The following NAALADL2 variants were observed in gnomAD, a reference collection of about 807,000 sequenced individuals.
NAALADL2 encodes the protein N-acetylated alpha-linked acidic dipeptidase like 2.
A neutral mutation model predicts 87.2 loss-of-function variants in NAALADL2; 76 were observed. The observed-to-expected ratio is 0.87, with a 90% CI of 0.72 to 1.05. The LOEUF is 1.05. NAALADL2 is among the 50% of genes least tolerant of loss of function. The pLI is 0.00. For missense variants in NAALADL2, 1,089 were observed against 945.8 expected (o/e 1.15, Z -1.99); for synonymous variants, 354 against 331.0 (o/e 1.07, Z -0.75).
intron 10 of NAALADL2, among the ~76,000 whole-genome samples, chr3:175,623,670 A>G (rs1024973934): frequency 6.6e-6 from 1 of 152,070 alleles, no homozygotes; most frequent in Non-Finnish European, 1.5e-5. Flanking sequence ...AAGAAGAGCT[A>G]CACAGCTACA....
chr3:174,510,889 A>G (rs1719558821), intron 1 of NAALADL2, among the ~76,000 whole-genome samples: 1 of 151,910 alleles, frequency 6.6e-6, no homozygotes, highest in Non-Finnish European at 1.5e-5. Flanking sequence ...AAATTGTGAC[A>G]TGACGTGTGT....
chr3:175,072,514 C>T lies in NAALADL2; in HGVS notation c.44-24276C>T, dbSNP rs148982638. On this transcript the variant is annotated intron_variant, in intron 1 of 13. Coordinates refer to ENST00000454872, the MANE Select transcript of NAALADL2 (RefSeq NM_207015.3). ...GTTTGGCAAGAATTTTATTCCCTCT[C>T]TTGATTCTATATCATTGTATGAGTT... 8.5e-3 allele frequency among the ~76,000 whole-genome samples: 1,287 copies of T among 151,586 alleles called. 15 individuals are homozygous for T. The highest frequency in any genetic ancestry group is 0.03 in the African/African-American group (1,230 of 41,352).
At chr3:174,731,659 G>A (rs1732716075) in intron 2 of NAALADL2, among the ~76,000 whole-genome samples, 1 of 152,150 alleles carries the variant, frequency 6.6e-6, no homozygotes, top group Non-Finnish European at 1.5e-5. Flanking sequence ...TAAAAACACA[G>A]ATTGCTGGGC....
chr3:174,545,738 A>G (rs1722673664), intron 1 of NAALADL2, among the ~76,000 whole-genome samples: 1 of 151,854 alleles, frequency 6.6e-6, no homozygotes, highest in Non-Finnish European at 1.5e-5. Context: ...TATTGGAAAA[A>G]TGCTGGCCAT....
At chr3:175,475,965 T>A (rs1218512504) in intron 9 of NAALADL2, among the ~76,000 whole-genome samples, 3 of 152,168 alleles carry the variant, frequency 2.0e-5, no homozygotes, top group Non-Finnish European at 4.4e-5. Flanking sequence ...TCAAGTGATC[T>A]TCCTGCCTTG....
intron 11 of NAALADL2, among the ~76,000 whole-genome samples, chr3:175,650,105 A>G (rs1017612607): frequency 2.0e-4 from 30 of 151,714 alleles, no homozygotes; most frequent in South Asian, 2.1e-4. Context: ...TTGCAAGTAG[A>G]TAAATAAAAT....
chr3:174,668,087 T>G (rs4608710), intron 2 of NAALADL2, among the ~76,000 whole-genome samples: 98,097 of 151,790 alleles, frequency 0.65, 32,195 homozygotes, highest in Admixed American at 0.72. Flanking sequence ...TATCTTCTTA[T>G]GGTTTTGATT....
intron 4 of NAALADL2, among the ~76,000 whole-genome samples, chr3:175,314,550 C>A: frequency 9.8e-6 from 1 of 102,560 alleles, no homozygotes. Context: ...TAATACTTAC[C>A]TTCACATTCT....
At chr3:175,075,748 C>A (rs1417976033) in intron 1 of NAALADL2, among the ~76,000 whole-genome samples, 2 of 152,060 alleles carry the variant, frequency 1.3e-5, no homozygotes, top group Non-Finnish European at 2.9e-5. Flanking sequence ...GAATAATAAC[C>A]AAGTTAATGC....
intron 9 of NAALADL2, among the ~76,000 whole-genome samples, chr3:175,542,241 A>G (rs760066316): frequency 5.3e-5 from 8 of 152,240 alleles, no homozygotes; most frequent in Non-Finnish European, 1.2e-4. Flanking sequence ...TTAATGAACT[A>G]AGAAGTTTCT....
At chr3:174,867,021 ATATCT>A (rs1030107430) in intron 1 of NAALADL2, among the ~76,000 whole-genome samples, 6 of 151,870 alleles carry the variant, frequency 4.0e-5, no homozygotes, top group South Asian at 2.1e-4. Flanking sequence ...ATTTATCAAA[ATATCT>A]TATGTTGTTT....
chr3:175,343,555 T>A (rs1214028494), intron 5 of NAALADL2, among the ~76,000 whole-genome samples: 1 of 151,930 alleles, frequency 6.6e-6, no homozygotes, highest in Non-Finnish European at 1.5e-5. Context: ...ACAATCTGCA[T>A]TTCTTTGGTG....
intron 5 of NAALADL2, among the ~76,000 whole-genome samples, chr3:175,328,207 A>G (rs1162041602): frequency 6.6e-6 from 1 of 151,080 alleles, no homozygotes; most frequent in African/African-American, 2.5e-5. Context: ...TTTGATCTCC[A>G]TCATACCACA....
chr3:174,880,528 T>A lies in NAALADL2; in HGVS notation c.43+21078T>A, dbSNP rs570758248. On this transcript the variant is annotated intron_variant, in intron 1 of 13. Coordinates refer to ENST00000454872, the MANE Select transcript of NAALADL2 (RefSeq NM_207015.3). Reference sequence around the variant, plus strand: ...TTTCTTGTTTGCAATATCTGACTAGTCTTCTGATGGGTTACCTTACTTCTA... The same window carrying A: ...TTTCTTGTTTGCAATATCTGACTAGACTTCTGATGGGTTACCTTACTTCTA... Among the ~76,000 whole-genome samples the A allele has an allele frequency of 8.5e-5, 13 of 152,206 alleles. No homozygotes were observed. The South Asian group carries it at 2.7e-3, about 32-fold the overall frequency.
chr3:174,924,106 C>A (rs1735626942), intron 1 of NAALADL2, among the ~76,000 whole-genome samples: 1 of 152,036 alleles, frequency 6.6e-6, no homozygotes, highest in Non-Finnish European at 1.5e-5. Flanking sequence ...TACATGTACA[C>A]AACATGCAAG....
In NAALADL2 at chr3:175,614,129, C is replaced by T. The variant is rs142385330; in HGVS notation, c.1801-13162C>T. ...ATGCAGTGGCACAATCTCAGCTCAC[C>T]GCAACCTCCACCTCCGGGGTTCAAG... is the stretch of plus-strand genomic sequence containing the variant. On this transcript the variant is annotated intron_variant, in intron 10 of 13. Transcript: ENST00000454872. Among the ~76,000 whole-genome samples the T allele has an allele frequency of 6.0e-3, 919 of 152,218 alleles. 6 individuals carry two copies. The highest frequency in any genetic ancestry group is 0.021 in the African/African-American group (860 of 41,540).
At chr3:175,300,669 G>C (rs1235310893) in intron 4 of NAALADL2, among the ~76,000 whole-genome samples, 2 of 151,322 alleles carry the variant, frequency 1.3e-5, no homozygotes, top group East Asian at 1.9e-4. Flanking sequence ...CTATTTGATT[G>C]TTCTCTCTTT....
intron 9 of NAALADL2, among the ~76,000 whole-genome samples, chr3:175,563,322 CACTT>C (rs1202683653): frequency 5.9e-5 from 9 of 152,282 alleles, no homozygotes; most frequent in Non-Finnish European, 8.8e-5. Context: ...TGTCTGTACA[CACTT>C]ACTGACTTCC....
At chr3:175,132,161 C>T (rs1219203539) in intron 2 of NAALADL2, among the ~76,000 whole-genome samples, 2 of 118,360 alleles carry the variant, frequency 1.7e-5, no homozygotes, top group African/African-American at 7.2e-5. Flanking sequence ...CCCTCCCGGA[C>T]GGGGCAGCTG....
Sources: gnomAD v4.1 joint callset for allele counts (sites outside exome capture counted in the v4.1 genomes callset) on GRCh38, gnomAD v4.1.1 for gene constraint, MANE v1.5 for transcripts, NCBI Gene and HGNC (gene_info 2026-07-23, HGNC 2026-07-21) for gene names.